Variants in KRT20 observed in about 807,000 individuals in gnomAD.
KRT20 encodes the protein keratin, type I cytoskeletal 20.
A neutral mutation model predicts 43.0 loss-of-function variants in KRT20; 41 were observed. The ratio of observed to expected loss-of-function variants is 0.95; its 90% CI spans 0.74 to 1.24. The LOEUF is 1.24. KRT20 is among the 50% of genes most tolerant of loss of function. The pLI is 0.00. For synonymous variants in KRT20, 207 were observed against 200.6 expected (o/e 1.03, Z -0.27); for missense variants, 533 against 521.2 (o/e 1.02, Z -0.22).
Position 40,881,565 on chromosome 17 carries a change from T to A in KRT20, c.474-795A>T, listed in dbSNP as rs527441832. ...ATCATGCATGCCCTGCCCAGTTTCC[T>A]AAAATATCCAACTTTAAAAAATGAC... On this transcript the variant is annotated intron_variant, in intron 2 of 7. Transcript: ENST00000167588. Among the ~76,000 whole-genome samples the A allele has an allele frequency of 1.3e-3, 202 of 152,270 alleles. 1 individual carries two copies. Among genetic ancestry groups the A allele is most frequent in the African/African-American group, 4.6e-3 (193 of 41,556 alleles).
intron 5 of KRT20, 97 bp downstream of exon 5, chr17:40,879,716 G>T: frequency 7.4e-7 from 1 of 1,352,948 alleles, no homozygotes; most frequent in Non-Finnish European, 1.0e-6. Context: ...CAAGGGGAAG[G>T]GTTATTTCTT....
At chr17:40,879,744 T>C in intron 5 of KRT20, 69 bp downstream of exon 5, 1 of 1,566,910 alleles carries the variant, frequency 6.4e-7, no homozygotes, top group African/African-American at 1.4e-5. Context: ...TTTGCATTTC[T>C]ATAGTTCCTA....
At chr17:40,879,993 A>T (rs1907526218) in intron 4 of KRT20, 55 bp from the exon 5 acceptor site, 1 of 1,600,942 alleles carries the variant, frequency 6.2e-7, no homozygotes, top group Non-Finnish European at 8.5e-7. Flanking sequence ...AAGAAAGAAA[A>T]GACAGAAAGA....
At chr17:40,883,586 T>C (rs920582720) in intron 1 of KRT20, among the ~76,000 whole-genome samples, 1 of 152,232 alleles carries the variant, frequency 6.6e-6, no homozygotes, top group African/African-American at 2.4e-5. Context: ...ACGAAATGCA[T>C]GATGGAGGCA....
chr17:40,878,386 G>A, intron 5 of KRT20, 21 bp from the exon 6 acceptor site: 2 of 1,571,524 alleles, frequency 1.3e-6, no homozygotes, highest in Non-Finnish European at 1.8e-6. Context: ...AAGAAAAATA[G>A]GGCACTTCTT....
intron 2 of KRT20, among the ~76,000 whole-genome samples, chr17:40,881,923 A>T (rs1474896970): frequency 2.1e-5 from 3 of 146,324 alleles, no homozygotes; most frequent in Non-Finnish European, 4.5e-5. Flanking sequence ...CCCAGGTTGC[A>T]GTGCAATGGC....
chr17:40,877,229 G>A (rs1264052645), intron 7 of KRT20, 151 bp downstream of exon 7: 1 of 616,108 alleles, frequency 1.6e-6, no homozygotes, highest in Non-Finnish European at 2.8e-6. Flanking sequence ...CCAAGTAAAC[G>A]TCTATTGTTT....
At chr17:40,880,000 A>G in intron 4 of KRT20, 62 bp from the exon 5 acceptor site, 1 of 1,599,330 alleles carries the variant, frequency 6.3e-7, no homozygotes, top group Non-Finnish European at 8.5e-7. Flanking sequence ...AAAAGACAGA[A>G]AGAGAAAGGA....
At chr17:40,882,022 GGCATCACGCCCA>G in intron 2 of KRT20, among the ~76,000 whole-genome samples, 1 of 152,066 alleles carries the variant, frequency 6.6e-6, no homozygotes, top group East Asian at 1.9e-4. Flanking sequence ...ACAGACATAC[GGCATCACGCCCA>G]GCTAATTATT....
At chr17:40,879,301 T>A (rs1907483361) in intron 5 of KRT20, among the ~76,000 whole-genome samples, 1 of 152,234 alleles carries the variant, frequency 6.6e-6, no homozygotes, top group African/African-American at 2.4e-5. Context: ...TGGCCTGGAA[T>A]GTCTCTAGTC....
Position 40,880,655 on chromosome 17 carries a change from G to T in KRT20, c.589C>A (p.Leu197Met), listed in dbSNP as rs1161659877. The part of the protein sequence containing the change: ...KTDLEIQIEE[L>M]NKDLALLKKE... ...TTGAGGAGAGCTAGGTCTTTATTCA[G>T]TTCTTCAATTTGAATCTCCAAATCT... Residue 197 changes from leucine (L) to methionine (M), a missense_variant, in exon 3 of 8, where the codon CTG (leucine) becomes ATG (methionine). Transcript: ENST00000167588. 1.9e-6 allele frequency: 3 copies of T among 1,612,886 alleles called. No homozygotes were observed. The South Asian group carries it at 3.3e-5, about 18-fold the overall frequency.
At position 40,882,605 on chromosome 17, in the gene KRT20, T is replaced by G; in HGVS notation, c.440A>C (p.Asn147Thr). Residue 147 changes from asparagine to threonine, a missense_variant, in exon 2 of 8, where the codon AAT becomes ACT. Transcript: ENST00000167588. Reference protein sequence around the residue: ...QNARCVLQIDNAKLAAEDFRL... With the variant: ...QNARCVLQIDTAKLAAEDFRL... The stretch of plus-strand genomic sequence containing the variant: ...GAAGTCCTCAGCAGCCAGTTTAGCA[T>G]TATCAATTTGCAGGACACACCGAGC... 6.4e-7 allele frequency: 1 copy of G among 1,573,632 alleles called. No individual in the cohort carries two copies.
chr17:40,877,041 G>A (rs1907378583), intron 7 of KRT20, among the ~76,000 whole-genome samples: 1 of 152,188 alleles, frequency 6.6e-6, no homozygotes, highest in Admixed American at 6.5e-5. Context: ...CCATGATAAT[G>A]GGTTAGTTAT....
At chr17:40,880,538 C>G in intron 3 of KRT20, 76 bp downstream of exon 3, 1 of 1,310,488 alleles carries the variant, frequency 7.6e-7, no homozygotes, top group Non-Finnish European at 1.1e-6. Flanking sequence ...TCTCCTGTTT[C>G]TCCCGCTCCT....
In KRT20 at chr17:40,876,331, A is replaced by G; in HGVS notation, c.*30T>C. 2 of 1,446,706 alleles carry G rather than the reference A, an allele frequency of 1.4e-6. No homozygotes were observed. The highest frequency in any genetic ancestry group is 9.7e-7 in the Non-Finnish European group (1 of 1,028,152). The allele number at this position is 1,446,706 out of a possible 1,614,324, so 89.6% of individuals were successfully genotyped here. ...AGATTATAGCCAAATTTCTTTCAAAACCTCAGCAGCATCTCCTTCTGGTAG... is the reference window on the plus strand; with the variant it reads ...AGATTATAGCCAAATTTCTTTCAAAGCCTCAGCAGCATCTCCTTCTGGTAG... On this transcript the variant is annotated 3_prime_UTR_variant, in exon 8 of 8. Coordinates refer to ENST00000167588, the MANE Select transcript of KRT20 (RefSeq NM_019010.3).
At chr17:40,877,042 G>A (rs1907378762) in intron 7 of KRT20, among the ~76,000 whole-genome samples, 1 of 152,138 alleles carries the variant, frequency 6.6e-6, no homozygotes, top group East Asian at 1.9e-4. Flanking sequence ...CATGATAATG[G>A]GTTAGTTATT....
intron 5 of KRT20, among the ~76,000 whole-genome samples, chr17:40,878,740 T>C (rs1376975434): frequency 6.6e-6 from 1 of 152,188 alleles, no homozygotes; most frequent in African/African-American, 2.4e-5. Context: ...CATTGACACC[T>C]GGCTGGGTCA....
chr17:40,884,347 AGTATTCT>A (rs1907716873), intron 1 of KRT20, among the ~76,000 whole-genome samples: 1 of 152,248 alleles, frequency 6.6e-6, no homozygotes, highest in South Asian at 2.1e-4. Flanking sequence ...TCTGCAGTAC[AGTATTCT>A]AATAGTCATA....
intron 1 of KRT20, among the ~76,000 whole-genome samples, chr17:40,882,876 A>T (rs925720426): frequency 6.6e-6 from 1 of 151,912 alleles, no homozygotes; most frequent in East Asian, 1.9e-4. Flanking sequence ...TGCCCGGCTA[A>T]TTTTTGCATT....
Sources: gnomAD v4.1 joint callset for allele counts (sites outside exome capture counted in the v4.1 genomes callset) on GRCh38, gnomAD v4.1.1 for gene constraint, MANE v1.5 for transcripts, NCBI Gene and HGNC (gene_info 2026-07-23, HGNC 2026-07-21) for gene names.